The following ZDHHC6 variants were observed in gnomAD, a reference collection of about 807,000 sequenced individuals.
ZDHHC6 encodes zDHHC palmitoyltransferase 6.
Under a neutral mutation model 57.8 loss-of-function variants are expected in ZDHHC6, and 32 were observed. The observed-to-expected ratio is 0.55, with a 90% confidence interval of 0.42 to 0.74. ZDHHC6 has a LOEUF of 0.74. Ranked by LOEUF, ZDHHC6 falls within the 30% of genes least tolerant of loss-of-function variation. The pLI, the probability that ZDHHC6 is intolerant of heterozygous loss-of-function variation, is 0.00. For synonymous variants in ZDHHC6, 128 were observed against 158.0 expected (o/e 0.81, Z 1.42); for missense variants, 433 against 500.7 (o/e 0.86, Z 1.29).
At chr10:112,426,500 G>A, downstream of ZDHHC6, 2 of 674,236 alleles carry the variant, frequency 3.0e-6, no homozygotes. Flanking sequence ...GGATAGGATG[G>A]AGAGTTTAAA....
At chr10:112,435,262 T>C (rs1352514271) in intron 6 of ZDHHC6, among the ~76,000 whole-genome samples, 6 of 152,218 alleles carry the variant, frequency 3.9e-5, no homozygotes, top group Non-Finnish European at 8.8e-5. Flanking sequence ...ACAATAAGTA[T>C]ACAAATCCCT....
exon 12 of ZDHHC6, chr10:112,424,482 T>C (rs1564745361): frequency 1.3e-5 from 2 of 152,248 alleles, no homozygotes; most frequent in African/African-American, 2.4e-5. Context: ...AATATATTTG[T>C]TTCTGTCTAG....
chr10:112,429,979 T>TG (rs1296859364), downstream of ZDHHC6, among the ~76,000 whole-genome samples: 599 of 81,428 alleles, frequency 7.4e-3, 5 homozygotes, highest in African/African-American at 0.016. Context: ...GGGGGGGGTG[T>TG]GGGGGGGGTA....
At chr10:112,444,178 C>T (rs968983535) in intron 2 of ZDHHC6, among the ~76,000 whole-genome samples, 11 of 152,192 alleles carry the variant, frequency 7.2e-5, no homozygotes, top group African/African-American at 2.4e-4. Flanking sequence ...GTATTTAAGA[C>T]TGTCACAATC....
upstream of ZDHHC6, chr10:112,447,378 C>T: frequency 6.2e-7 from 1 of 1,613,288 alleles, no homozygotes; most frequent in Non-Finnish European, 8.5e-7. Flanking sequence ...GCCGCCATGT[C>T]GTCCGACTTC....
intron 1 of ZDHHC6, among the ~76,000 whole-genome samples, chr10:112,446,235 C>A (rs1332921307): frequency 6.6e-5 from 10 of 152,004 alleles, no homozygotes; most frequent in African/African-American, 1.9e-4. Flanking sequence ...AGTAAAGGAG[C>A]GACAGTGAAA....
chr10:112,445,921 C>T (rs1329886654), intron 1 of ZDHHC6, among the ~76,000 whole-genome samples: 8 of 152,148 alleles, frequency 5.3e-5, no homozygotes, highest in African/African-American at 1.7e-4. Context: ...TGTCACCATC[C>T]AACGCTTAGT....
At chr10:112,425,411 A>T, downstream of ZDHHC6, 1 of 1,613,878 alleles carries the variant, frequency 6.2e-7, no homozygotes. Context: ...ATTGCACCAG[A>T]GAAGATAGAA....
downstream of ZDHHC6, chr10:112,425,724 GGTAATGATTCA>G (rs1391285265): frequency 1.1e-5 from 4 of 360,268 alleles, no homozygotes; most frequent in Admixed American, 1.8e-4. Context: ...TATACTAAAA[GGTAATGATTCA>G]GTAAAAAATG....
At chr10:112,437,673 C>A (rs1305382342) in intron 6 of ZDHHC6, among the ~76,000 whole-genome samples, 1 of 152,158 alleles carries the variant, frequency 6.6e-6, no homozygotes, top group African/African-American at 2.4e-5. Flanking sequence ...CTATTCTTCT[C>A]CCTATTTTGT....
chr10:112,443,243 C>A (rs1846308707), intron 3 of ZDHHC6, among the ~76,000 whole-genome samples: 1 of 152,134 alleles, frequency 6.6e-6, no homozygotes, highest in South Asian at 2.1e-4. Context: ...AGGTTTATAC[C>A]TTTTTCCCTT....
In ZDHHC6 at chr10:112,442,351, T is replaced by A. The variant is rs1846196521; in HGVS notation, c.360A>T (p.Arg120Ser). 1 of 1,601,538 alleles carries A rather than the reference T, an allele frequency of 6.2e-7. No homozygotes were observed. Among genetic ancestry groups the A allele is most frequent in the Non-Finnish European group, 8.5e-7 (1 of 1,176,320 alleles). Reference protein sequence around the residue: ...PRSHHCRKCNRCVMKMDHHCP... With the variant: ...PRSHHCRKCNSCVMKMDHHCP... Reference sequence around the variant, plus strand: ...AGTGATGGTCCATCTTCATCACACATCTAACAAGAAAAATTTACATAAAAC... The same window carrying A: ...AGTGATGGTCCATCTTCATCACACAACTAACAAGAAAAATTTACATAAAAC... The change falls in exon 4 of 11, where the codon AGA (arginine) becomes AGT (serine). Residue 120 changes from arginine (R) to serine (S), a missense_variant and splice_region_variant. Transcript: ENST00000369405.
chr10:112,426,397 G>A (rs1238185923), downstream of ZDHHC6: 2 of 1,564,788 alleles, frequency 1.3e-6, no homozygotes, highest in South Asian at 1.1e-5. Context: ...CACACCCATG[G>A]GCCCATCGTG....
chr10:112,435,041 G>A (rs754445005), intron 6 of ZDHHC6, among the ~76,000 whole-genome samples: 1 of 152,008 alleles, frequency 6.6e-6, no homozygotes, highest in African/African-American at 2.4e-5. Context: ...ATATACAGGA[G>A]ATCTTCTTTC....
chr10:112,425,733 T>A (rs1279923482), downstream of ZDHHC6: 1 of 354,548 alleles, frequency 2.8e-6, no homozygotes, highest in East Asian at 4.7e-5. Flanking sequence ...AGGTAATGAT[T>A]CAGTAAAAAA....
At chr10:112,439,613 G>C (rs1313747556) in intron 5 of ZDHHC6, among the ~76,000 whole-genome samples, 1 of 104,816 alleles carries the variant, frequency 9.5e-6, no homozygotes, top group Non-Finnish European at 1.7e-5. Flanking sequence ...CTGGGTGACA[G>C]AGTGAGACTC....
chr10:112,439,540 G>A (rs1218871247), intron 5 of ZDHHC6, among the ~76,000 whole-genome samples: 3 of 140,524 alleles, frequency 2.1e-5, no homozygotes, highest in African/African-American at 5.3e-5. Flanking sequence ...CTGAGGCAGA[G>A]AACTGCTTAA....
Position 112,438,398 on chromosome 10 carries a change from T to A in ZDHHC6, c.682-9A>T, listed in dbSNP as rs1460706142. 7.3e-7 allele frequency: 1 copy of A among 1,377,858 alleles called. No individual in the cohort carries two copies. The highest frequency in any genetic ancestry group is 1.5e-5 in the African/African-American group (1 of 67,424). 85.4% of individuals were successfully genotyped at this position (1,377,858 alleles called of 1,614,324 possible). A position where few individuals can be genotyped will look rare whatever the true frequency, so the allele number is the denominator to read the frequency against. Reference sequence around the variant, plus strand: ...CTGAGAATTATTTTCATCTGGAAATTAAATGATAGTAAAATTTAATAATGC... The same window carrying A: ...CTGAGAATTATTTTCATCTGGAAATAAAATGATAGTAAAATTTAATAATGC... On this transcript the variant is annotated splice_polypyrimidine_tract_variant and intron_variant, in intron 5 of 10. Transcript: ENST00000369405.
chr10:112,425,263 G>A, exon 12 of ZDHHC6: 1 of 1,327,582 alleles, frequency 7.5e-7, no homozygotes, highest in Non-Finnish European at 1.0e-6. Flanking sequence ...AAAGATGACT[G>A]TGACTTCACC....
Sources: gnomAD v4.1 joint callset for allele counts (sites outside exome capture counted in the v4.1 genomes callset) on GRCh38, gnomAD v4.1.1 for gene constraint, MANE v1.5 for transcripts, NCBI Gene and HGNC (gene_info 2026-07-23, HGNC 2026-07-21) for gene names.